Variants in PTPDC1 observed in about 807,000 individuals in gnomAD.
The protein encoded by PTPDC1 is protein tyrosine phosphatase domain containing 1.
In PTPDC1, 53 loss-of-function variants were observed where a neutral mutation model predicts 75.3. The ratio of observed to expected loss-of-function variants is 0.70; its 90% CI spans 0.56 to 0.88. The LOEUF is 0.88. PTPDC1 is among the 40% of genes least tolerant of loss of function. The pLI is 0.00. For synonymous variants in PTPDC1, 349 were observed against 366.2 expected, an observed-to-expected ratio of 0.95 and a Z score of 0.54; for missense variants, 925 against 998.6, an observed-to-expected ratio of 0.93 and a Z score of 0.99.
At chr9:94,059,312 A>T (rs1826057828) in intron 1 of PTPDC1, among the ~76,000 whole-genome samples, 1 of 152,254 alleles carries the variant, frequency 6.6e-6, no homozygotes. Flanking sequence ...TTTAAAAGTT[A>T]AAAATCTTCA....
intron 1 of PTPDC1, among the ~76,000 whole-genome samples, chr9:94,048,502 T>C (rs1327142560): frequency 6.6e-6 from 1 of 152,220 alleles, no homozygotes; most frequent in African/African-American, 2.4e-5. Context: ...AGTTTCCATG[T>C]AGTTGAGCGG....
At chr9:94,068,398 AT>A (rs539913706) in intron 2 of PTPDC1, among the ~76,000 whole-genome samples, 13 of 149,406 alleles carry the variant, frequency 8.7e-5, no homozygotes, top group South Asian at 2.1e-4. Flanking sequence ...ATTATAGACA[AT>A]TTTTTTTTTG....
rs544164932 is a variant in PTPDC1 at position 94,097,519 on chromosome 9, C to G, written c.953C>G (p.Pro318Arg). 17 of 1,614,050 alleles carry G rather than the reference C, an allele frequency of 1.1e-5. No individual in the cohort carries two copies. The highest frequency in any genetic ancestry group is 1.4e-5 in the Non-Finnish European group (17 of 1,180,052). ...CDPKAHAVTL[P>R]QYLIRQRHLL... ...CCCAAAGCACATGCTGTCACCTTACCTCAATATCTAATTCGCCAGCGTCAT... is the reference window on the plus strand; with the variant it reads ...CCCAAAGCACATGCTGTCACCTTACGTCAATATCTAATTCGCCAGCGTCAT... The change falls in exon 6 of 9, where the codon CCT (proline) becomes CGT (arginine). Residue 318 changes from proline (P) to arginine (R), a missense_variant. Pro to Arg is a moderately radical substitution (Grantham distance 103). Coordinates refer to ENST00000620992, the MANE Select transcript of PTPDC1 (RefSeq NM_001253829.2).
At position 94,084,759 on chromosome 9, in the gene PTPDC1, G is replaced by A. The variant is rs368281877; in HGVS notation, c.229G>A (p.Glu77Lys). The A allele has an allele frequency of 9.2e-5, 145 of 1,568,986 alleles. No individual in the cohort carries two copies. The highest frequency in any genetic ancestry group is 1.2e-4 in the Non-Finnish European group (139 of 1,161,254). ...SHAEGNPTFP[E>K]RKSKGNLERP... ...TGCAGAGGGAAACCCAACTTTCCCC[G>A]AAAGAAAAAGTAAAGGTCTCTTTCT... is the stretch of plus-strand genomic sequence containing the variant. Residue 77 changes from glutamate (E) to lysine (K), a missense_variant, in exon 1 of 9, where the codon GAA becomes AAA. Coordinates refer to ENST00000620992, the MANE Select transcript of PTPDC1 (RefSeq NM_001253829.2).
chr9:94,065,553 T>A (rs564526362), intron 2 of PTPDC1, among the ~76,000 whole-genome samples: 4 of 152,378 alleles, frequency 2.6e-5, no homozygotes, highest in African/African-American at 9.6e-5. Context: ...AGGGTCTAAC[T>A]AAAGGTATTG....
chr9:94,073,996 A>G (rs1410940597), intron 2 of PTPDC1, among the ~76,000 whole-genome samples: 1 of 152,216 alleles, frequency 6.6e-6, no homozygotes, highest in African/African-American at 2.4e-5. Flanking sequence ...GCCAAGACAC[A>G]TTATAATTAA....
At chr9:94,062,576 T>C (rs1826176123) in intron 1 of PTPDC1, among the ~76,000 whole-genome samples, 1 of 152,176 alleles carries the variant, frequency 6.6e-6, no homozygotes, top group South Asian at 2.1e-4. Context: ...AGCATCTGCT[T>C]TTGGGGAGGC....
intron 1 of PTPDC1, chr9:94,038,313 T>C (rs1184662480): frequency 1.5e-6 from 1 of 687,080 alleles, no homozygotes. Flanking sequence ...AGAAAAATGA[T>C]AGCTTATCTC....
In PTPDC1 at chr9:94,064,822, G is replaced by A. The variant is rs776336539; in HGVS notation, c.82+1G>A. 4 of 1,608,148 alleles carry A rather than the reference G, an allele frequency of 2.5e-6. No homozygotes were observed. In the South Asian group the frequency reaches 3.3e-5, roughly 13 times the overall value. On this transcript the variant is annotated splice_donor_variant, in intron 2 of 9. Transcript: ENST00000375360. LOFTEE classifies it high-confidence loss of function. ...AGCGAGTGTGTTGCAAACATGAAAGGTAATGTCTCTTTAATACACTTTTTG... is the reference window on the plus strand; with the variant it reads ...AGCGAGTGTGTTGCAAACATGAAAGATAATGTCTCTTTAATACACTTTTTG...
At chr9:94,067,247 G>A (rs1288332122) in intron 2 of PTPDC1, among the ~76,000 whole-genome samples, 4 of 151,876 alleles carry the variant, frequency 2.6e-5, no homozygotes, top group African/African-American at 4.8e-5. Context: ...AAAATTAGCC[G>A]AGCATGGTGG....
At chr9:94,074,540 G>C (rs1826618262) in intron 2 of PTPDC1, among the ~76,000 whole-genome samples, 1 of 152,094 alleles carries the variant, frequency 6.6e-6, no homozygotes, top group Middle Eastern at 3.2e-3. Flanking sequence ...GGAGAAGGTG[G>C]AAAGTGTAAT....
intron 2 of PTPDC1, among the ~76,000 whole-genome samples, chr9:94,075,187 G>A (rs1245808165): frequency 1.3e-5 from 2 of 152,182 alleles, no homozygotes; most frequent in Admixed American, 1.3e-4. Context: ...GAATCAGAGT[G>A]CCACCTGCTT....
chr9:94,067,985 G>T (rs1826372710), intron 2 of PTPDC1, among the ~76,000 whole-genome samples: 1 of 152,016 alleles, frequency 6.6e-6, no homozygotes, highest in African/African-American at 2.4e-5. Flanking sequence ...TTTTTGCCTT[G>T]TGGAGTTTGC....
chr9:94,103,682 A>T (rs1827921752), intron 7 of PTPDC1, among the ~76,000 whole-genome samples: 1 of 152,144 alleles, frequency 6.6e-6, no homozygotes, highest in African/African-American at 2.4e-5. Flanking sequence ...GCTGAAGGTG[A>T]TGGAATTTCT....
In PTPDC1 at chr9:94,069,794, C is replaced by T. The variant is rs527990633; in HGVS notation, c.82+4973C>T. The stretch of plus-strand genomic sequence containing the variant: ...CCTCCCAAAGTGCTGGGATTATAGG[C>T]GTGAGCCACCATGCCCAGCCAATAC... On this transcript the variant is annotated intron_variant, in intron 2 of 9. Coordinates refer to the PTPDC1 transcript ENST00000375360. Among the ~76,000 whole-genome samples the T allele has an allele frequency of 2.3e-3, 344 of 146,832 alleles. 2 individuals are homozygous for T. Among genetic ancestry groups the T allele is most frequent in the African/African-American group, 8.1e-3 (320 of 39,524 alleles).
intron 1 of PTPDC1, chr9:94,038,144 C>T: frequency 1.6e-6 from 1 of 614,122 alleles, no homozygotes; most frequent in Non-Finnish European, 3.0e-6. Flanking sequence ...TCTCTTCGGG[C>T]AGAAGACAGG....
At chr9:94,075,534 T>C (rs949006781) in intron 2 of PTPDC1, among the ~76,000 whole-genome samples, 1 of 152,204 alleles carries the variant, frequency 6.6e-6, no homozygotes, top group African/African-American at 2.4e-5. Context: ...GCTTTTCTTA[T>C]AGCTTGTTCT....
intron 7 of PTPDC1, 112 bp downstream of exon 7, chr9:94,101,863 G>A: frequency 1.7e-6 from 1 of 593,042 alleles, no homozygotes. Flanking sequence ...CCCAAATCTA[G>A]ATCTAATTTA....
intron 1 of PTPDC1, among the ~76,000 whole-genome samples, chr9:94,059,130 TCTTA>T (rs1350666161): frequency 6.6e-6 from 1 of 152,216 alleles, no homozygotes; most frequent in Admixed American, 6.5e-5. Flanking sequence ...CCTTGCGATA[TCTTA>T]CTTAAAGCGT....
Sources: allele counts gnomAD v4.1 joint callset (sites outside exome capture counted in the v4.1 genomes callset), GRCh38; gene constraint gnomAD v4.1.1; transcripts MANE v1.5; gene names NCBI Gene and HGNC (gene_info 2026-07-23, HGNC 2026-07-21).